Variants in NFAM1 observed in about 807,000 individuals in gnomAD.
NFAM1 encodes the protein NFAT activation molecule 1.
A neutral mutation model predicts 29.0 loss-of-function variants in NFAM1; 17 were observed. The observed-to-expected ratio is 0.59, with a 90% confidence interval of 0.40 to 0.88. The LOEUF (loss-of-function observed/expected upper bound fraction) is 0.88, where lower values mean the gene tolerates loss of function less well. NFAM1 is among the 40% of genes least tolerant of loss of function. The probability of loss-of-function intolerance (pLI) is 0.00; values close to 1 mark genes in which losing one functional copy is unlikely to be tolerated. For missense variants in NFAM1, 324 were observed against 344.6 expected (o/e 0.94, Z 0.47); for synonymous variants, 175 against 147.2 (o/e 1.19, Z -1.36).
intron 4 of NFAM1, among the ~76,000 whole-genome samples, chr22:42,396,548 GGA>G (rs1929532651): frequency 6.6e-6 from 1 of 151,676 alleles, no homozygotes; most frequent in South Asian, 2.1e-4. Flanking sequence ...AGAGTGAGAG[GGA>G]GAGAGAGAAA....
At chr22:42,401,744 C>T (rs1347915096) in intron 3 of NFAM1, among the ~76,000 whole-genome samples, 1 of 152,166 alleles carries the variant, frequency 6.6e-6, no homozygotes, top group Non-Finnish European at 1.5e-5. Flanking sequence ...CAAGTCTCCC[C>T]TCCCTAGTAG....
In NFAM1 at chr22:42,419,963, C is replaced by G. The variant is rs1930378825; in HGVS notation, c.122-8227G>C. ...GTAGACATGGGATTTTAAGCTGGGT[C>G]CCTTTGAGTCTGTAATCCCACTCTT... On this transcript the variant is annotated intron_variant, in intron 1 of 5. Coordinates refer to ENST00000329021, the MANE Select transcript of NFAM1 (RefSeq NM_145912.8). The surrounding 1 kb of genome is among the most constrained non-coding windows in gnomAD (Gnocchi z 4.5). 7.0e-6 allele frequency among the ~76,000 whole-genome samples: 1 copy of G among 142,330 alleles called. No individual in the cohort carries two copies. Among genetic ancestry groups the G allele is most frequent in the Non-Finnish European group, 1.5e-5 (1 of 66,444 alleles). 93.4% of individuals were successfully genotyped at this position (142,330 alleles called of 152,430 possible). A position where few individuals can be genotyped will look rare whatever the true frequency, so the allele number is the denominator to read the frequency against.
intron 1 of NFAM1, among the ~76,000 whole-genome samples, chr22:42,430,482 C>T (rs1930759895): frequency 6.7e-6 from 1 of 149,514 alleles, no homozygotes; most frequent in Non-Finnish European, 1.5e-5. Flanking sequence ...ATCACTTGAA[C>T]CCAGGAGGCA....
chr22:42,409,669 A>G lies in NFAM1; in HGVS notation c.452-122T>C. 1 of 438,512 alleles carries G rather than the reference A, an allele frequency of 2.3e-6. No homozygotes were observed. Among genetic ancestry groups the G allele is most frequent in the African/African-American group, 2.0e-5 (1 of 49,066 alleles). The allele number at this position is 438,512 out of a possible 1,614,324, so 27.2% of individuals were successfully genotyped here. On this transcript the variant is annotated intron_variant, in intron 2 of 5. Coordinates refer to ENST00000329021, the MANE Select transcript of NFAM1 (RefSeq NM_145912.8). The surrounding 1 kb of genome is among the most constrained non-coding windows in gnomAD (Gnocchi z 4.9). ...ATGCTACCCCGCCAACACGCTCCACACCCCACTAGGCCCCCTGGGAGCCAG... is the reference window on the plus strand; with the variant it reads ...ATGCTACCCCGCCAACACGCTCCACGCCCCACTAGGCCCCCTGGGAGCCAG...
At chr22:42,398,390 TATTATTATTA>T (rs1929608617) in intron 3 of NFAM1, among the ~76,000 whole-genome samples, 2 of 106,378 alleles carry the variant, frequency 1.9e-5, no homozygotes, top group Non-Finnish European at 4.1e-5. Flanking sequence ...TATTTATTAT[TATTATTATTA>T]TTATTATTAT....
At chr22:42,393,589 TG>T (rs1450472647) in intron 4 of NFAM1, among the ~76,000 whole-genome samples, 7 of 149,922 alleles carry the variant, frequency 4.7e-5, no homozygotes, top group African/African-American at 1.5e-4. Context: ...TTTTTTTTTT[TG>T]TATTTTTAGT....
rs1251521825 is a variant in NFAM1, at chr22:42,419,058, C to T, written c.122-7322G>A. Among the ~76,000 whole-genome samples, 2 of 152,200 alleles carry T rather than the reference C, an allele frequency of 1.3e-5. No homozygotes were observed. Among genetic ancestry groups the T allele is most frequent in the African/African-American group, 4.8e-5 (2 of 41,444 alleles). On this transcript the variant is annotated intron_variant, in intron 1 of 5. Transcript: ENST00000329021. The surrounding 1 kb of genome is among the most constrained non-coding windows in gnomAD (Gnocchi z 4.5). ...TTGAACTTGGAGTTTGAGAGCTGGG[C>T]GGAGTTGCTATCCTCCCACACCTGG... is the stretch of plus-strand genomic sequence containing the variant.
intron 1 of NFAM1, 22 bp from the exon 2 acceptor site, chr22:42,411,758 A>T: frequency 6.4e-7 from 1 of 1,573,640 alleles, no homozygotes; most frequent in Non-Finnish European, 8.7e-7. Context: ...GCAAAGGGAG[A>T]GAGCAACAGG....
rs1008713245 is a variant in NFAM1, at chr22:42,386,975, C to T, written c.753+14G>A. ...GAGCAAGAAGCCAGGCTTGGTGCCC[C>T]AGCGCCTGTGTACCTGGGAGAGGGG... On this transcript the variant is annotated intron_variant, in intron 5 of 5. Transcript: ENST00000329021. The T allele has an allele frequency of 1.4e-6, 2 of 1,456,746 alleles. No homozygotes were observed. Among genetic ancestry groups the T allele is most frequent in the African/African-American group, 2.9e-5 (2 of 68,434 alleles). The allele number at this position is 1,456,746 out of a possible 1,614,324, so 90.2% of individuals were successfully genotyped here. A position where few individuals can be genotyped will look rare whatever the true frequency, so the allele number is the denominator to read the frequency against.
chr22:42,424,657 G>A (rs879797344), intron 1 of NFAM1, among the ~76,000 whole-genome samples: 34 of 152,014 alleles, frequency 2.2e-4, no homozygotes, highest in South Asian at 4.2e-4. Flanking sequence ...GGTTTCAAAC[G>A]CAAGAAAGTT....
At chr22:42,407,340 C>T (rs1929933583) in intron 3 of NFAM1, among the ~76,000 whole-genome samples, 1 of 151,908 alleles carries the variant, frequency 6.6e-6, no homozygotes, top group Non-Finnish European at 1.5e-5. Flanking sequence ...TCTCGGCCTC[C>T]CAAAGTGCCA....
At chr22:42,410,370 T>A in intron 2 of NFAM1, 1 of 353,224 alleles carries the variant, frequency 2.8e-6, no homozygotes, top group Non-Finnish European at 5.7e-6. Flanking sequence ...GAGAATGTGA[T>A]GAAAACTGGC....
intron 4 of NFAM1, among the ~76,000 whole-genome samples, chr22:42,391,133 T>C (rs1316505563): frequency 1.3e-5 from 2 of 152,176 alleles, no homozygotes; most frequent in Admixed American, 1.3e-4. Context: ...GGGGCTTCCT[T>C]CCCTTGGGAT....
intron 1 of NFAM1, among the ~76,000 whole-genome samples, chr22:42,414,058 A>G (rs1206566093): frequency 2.6e-5 from 4 of 152,202 alleles, no homozygotes; most frequent in Non-Finnish European, 5.9e-5. Context: ...CGTCTCAAAA[A>G]AAACAAAAAG....
intron 5 of NFAM1, among the ~76,000 whole-genome samples, chr22:42,386,034 A>C (rs959511030): frequency 6.6e-6 from 1 of 152,160 alleles, no homozygotes; most frequent in Non-Finnish European, 1.5e-5. Flanking sequence ...TTGGTATTGC[A>C]GGAAAACACT....
intron 3 of NFAM1, among the ~76,000 whole-genome samples, chr22:42,407,738 T>C (rs896561443): frequency 6.6e-6 from 1 of 152,040 alleles, no homozygotes; most frequent in Non-Finnish European, 1.5e-5. Flanking sequence ...CACAGGTGCA[T>C]GCTACCATGA....
intron 1 of NFAM1, among the ~76,000 whole-genome samples, chr22:42,431,833 T>C (rs1393024191): frequency 8.9e-6 from 1 of 112,748 alleles, no homozygotes; most frequent in Non-Finnish European, 1.7e-5. Context: ...ACCCAGAGGG[T>C]AGCCCCACCA....
At chr22:42,427,796 A>G (rs2146557911) in intron 1 of NFAM1, among the ~76,000 whole-genome samples, 1 of 152,318 alleles carries the variant, frequency 6.6e-6, no homozygotes, top group South Asian at 2.1e-4. Context: ...AAGCTAGTCC[A>G]TATGGTTTCG....
Position 42,411,448 on chromosome 22 carries a change from T to C in NFAM1, c.410A>G (p.His137Arg). The change falls in exon 2 of 6, where the codon CAC becomes CGC. Residue 137 changes from histidine to arginine, a missense_variant. His to Arg is a conservative substitution (Grantham distance 29, BLOSUM62 0). Coordinates refer to ENST00000329021, the MANE Select transcript of NFAM1 (RefSeq NM_145912.8). ...GTYYCSVHWP[H>R]STVRGSGTFI... ...GGTGCCGCTGCCTCTCACCGTGGAG[T>C]GTGGCCAGTGGACAGAGCAGTAGTA... The C allele has an allele frequency of 3.1e-6, 5 of 1,613,860 alleles. No individual in the cohort carries two copies. Among genetic ancestry groups the C allele is most frequent in the Non-Finnish European group, 4.2e-6 (5 of 1,179,942 alleles).
Sources: gnomAD v4.1 joint callset for allele counts (sites outside exome capture counted in the v4.1 genomes callset) on GRCh38, gnomAD v4.1.1 for gene constraint, Gnocchi (gnomAD v3.1) non-coding constraint, MANE v1.5 for transcripts, NCBI Gene and HGNC (gene_info 2026-07-23, HGNC 2026-07-21) for gene names.